The following DGKD variants were observed in gnomAD, a reference collection of about 807,000 sequenced individuals.
The protein encoded by DGKD is DAG kinase delta.
A neutral mutation model predicts 154.4 loss-of-function variants in DGKD; 68 were observed. The observed-to-expected ratio is 0.44, with a 90% CI of 0.36 to 0.54. The LOEUF is 0.54. Among genes scored for constraint, DGKD ranks in the 20% least tolerant of loss-of-function variants. DGKD has a pLI of 0.00. For synonymous variants in DGKD, 693 were observed against 638.0 expected (o/e 1.09, Z -1.30); for missense variants, 1,343 against 1,593.6 (o/e 0.84, Z 2.68).
At chr2:233,450,653 C>T (rs1352149776) in intron 16 of DGKD, among the ~76,000 whole-genome samples, 1 of 152,194 alleles carries the variant, frequency 6.6e-6, no homozygotes, top group Non-Finnish European at 1.5e-5. Context: ...TGTGCTCCGC[C>T]TCCCACAGCC....
Position 233,460,441 on chromosome 2 carries a change from T to G in DGKD, c.2981+96T>G, listed in dbSNP as rs566276838. Reference sequence around the variant, plus strand: ...CCCTGGGGCGTGGAGCTGCTGCTCCTGACTTTTGTGGGGTCTGCATTACCC... The same window carrying G: ...CCCTGGGGCGTGGAGCTGCTGCTCCGGACTTTTGTGGGGTCTGCATTACCC... On this transcript the variant is annotated intron_variant, in intron 24 of 29. Coordinates refer to ENST00000264057, the MANE Select transcript of DGKD (RefSeq NM_152879.3). 4.7e-6 allele frequency: 7 copies of G among 1,476,100 alleles called. No individual in the cohort carries two copies. The African/African-American group carries it at 9.8e-5, about 21-fold the overall frequency. 91.4% of individuals were successfully genotyped at this position (1,476,100 alleles called of 1,614,324 possible).
rs1480674702 is a variant in DGKD at position 233,440,292 on chromosome 2, A to C, written c.1086-1595A>C. Among the ~76,000 whole-genome samples the C allele has an allele frequency of 6.6e-6, 1 of 152,084 alleles. No individual in the cohort carries two copies. The highest frequency in any genetic ancestry group is 1.5e-5 in the Non-Finnish European group (1 of 68,012). On this transcript the variant is annotated intron_variant, in intron 9 of 29. Transcript: ENST00000264057. The surrounding 1 kb of genome is among the most constrained non-coding windows in gnomAD (Gnocchi z 4.9). ...GAGAGCAGGGGGCCTTACAGGTGTC[A>C]GTGTTCTGTGTGGAGCCTGGGCTTG... is the stretch of plus-strand genomic sequence containing the variant.
At chr2:233,378,411 C>CA (rs373116594) in intron 1 of DGKD, among the ~76,000 whole-genome samples, 29,183 of 118,384 alleles carry the variant, frequency 0.25, 3,531 homozygotes, top group African/African-American at 0.37. Flanking sequence ...GACTCCATCT[C>CA]AAAAAAAAAA....
Position 233,468,525 on chromosome 2 carries a change from T to C in DGKD, c.3527T>C (p.Leu1176Pro). 6.2e-7 allele frequency: 1 copy of C among 1,613,728 alleles called. No homozygotes were observed. The highest frequency in any genetic ancestry group is 8.5e-7 in the Non-Finnish European group (1 of 1,179,968). The change falls in exon 29 of 30, where the codon CTC becomes CCC. Residue 1176 changes from leucine (L) to proline (P), a missense_variant. Transcript: ENST00000264057. ...FTRHDIRGSELLHLERRDLKD... is the reference protein window; with the variant it reads ...FTRHDIRGSEPLHLERRDLKD... ...CGGCACGACATCCGGGGCTCTGAGC[T>C]CCTGCACCTGGAGCGGAGGGACCTC...
In DGKD at chr2:233,459,824, G is replaced by A. The variant is rs1407511140; in HGVS notation, c.2762G>A (p.Trp921Ter). Residue 921 changes from tryptophan (W) to a stop codon, truncating the protein, a stop_gained, in exon 23 of 30, where the codon TGG (tryptophan) becomes TAG (stop). Transcript: ENST00000264057. LOFTEE classifies it high-confidence loss of function. This position sits in a 1 kb window ranked among gnomAD's most constrained non-coding sequence, Gnocchi z 5.7. Reference protein sequence around the residue: ...GVPVQVDGEAWVQPPGYIRIV... With the variant: ...GVPVQVDGEA Reference sequence around the variant, plus strand: ...CCTGTGCAGGTGGACGGAGAGGCCTGGGTCCAGCCGCCAGGGTACATTCGG... The same window carrying A: ...CCTGTGCAGGTGGACGGAGAGGCCTAGGTCCAGCCGCCAGGGTACATTCGG... The A allele has an allele frequency of 6.2e-7, 1 of 1,614,136 alleles. No homozygotes were observed. Among genetic ancestry groups the A allele is most frequent in the Admixed American group, 1.7e-5 (1 of 60,020 alleles).
intron 3 of DGKD, among the ~76,000 whole-genome samples, chr2:233,411,270 G>A (rs1181699009): frequency 6.6e-6 from 1 of 152,190 alleles, no homozygotes; most frequent in African/African-American, 2.4e-5. Context: ...CTGCTAAACT[G>A]TTTTCTGAAG....
intron 19 of DGKD, 114 bp from the exon 20 acceptor site, chr2:233,456,785 C>A: frequency 1.3e-6 from 1 of 762,166 alleles, no homozygotes; most frequent in Non-Finnish European, 2.2e-6. Flanking sequence ...TAAATAATTG[C>A]TAAATGTAGC....
rs180670605 is a variant in DGKD, at chr2:233,432,409, C to T, written c.349-1971C>T. ...GCGTGGTTGCTCACGCCTGTAATCC[C>T]AGCACTTTGGAAGGCCAAGGTGGGC... On this transcript the variant is annotated intron_variant, in intron 3 of 29. Coordinates refer to ENST00000264057, the MANE Select transcript of DGKD (RefSeq NM_152879.3). 1.9e-4 allele frequency among the ~76,000 whole-genome samples: 27 copies of T among 141,756 alleles called. No individual in the cohort carries two copies. The East Asian group carries it at 5.0e-3, about 26-fold the overall frequency. 93.0% of individuals were successfully genotyped at this position (141,756 alleles called of 152,430 possible).
At chr2:233,451,931 C>T (rs760192762) in intron 17 of DGKD, 33 bp from the exon 18 acceptor site, 1 of 1,598,818 alleles carries the variant, frequency 6.3e-7, no homozygotes. Context: ...AGCTCCTGAC[C>T]AGCACCACCT....
chr2:233,363,580 A>T (rs377655787), intron 1 of DGKD, among the ~76,000 whole-genome samples: 14 of 152,236 alleles, frequency 9.2e-5, no homozygotes, highest in African/African-American at 3.4e-4. Flanking sequence ...CAAAGCATAG[A>T]GTACTGGTCA....
intron 3 of DGKD, among the ~76,000 whole-genome samples, chr2:233,394,828 C>T (rs1204997406): frequency 6.6e-6 from 1 of 151,072 alleles, no homozygotes; most frequent in African/African-American, 2.4e-5. Flanking sequence ...CTGCCTCACC[C>T]TCCCCAGTAG....
chr2:233,451,570 CT>C (rs201064758), intron 17 of DGKD, among the ~76,000 whole-genome samples: 2,458 of 141,230 alleles, frequency 0.017, 26 homozygotes, highest in African/African-American at 0.03. Context: ...CTCTATAAGC[CT>C]TTTTTTTTTT....
chr2:233,422,486 C>A (rs973774523), intron 3 of DGKD, among the ~76,000 whole-genome samples: 1 of 152,164 alleles, frequency 6.6e-6, no homozygotes, highest in Non-Finnish European at 1.5e-5. Flanking sequence ...TTTCTACCCA[C>A]CCCTCCTGAC....
At chr2:233,448,502 G>A (rs927157432) in intron 14 of DGKD, 127 bp downstream of exon 14, 8 of 778,828 alleles carry the variant, frequency 1.0e-5, no homozygotes, top group East Asian at 7.9e-5. Context: ...TAGACAAAAC[G>A]CACAGTAAAG....
chr2:233,374,937 G>A (rs1702492966), intron 1 of DGKD, among the ~76,000 whole-genome samples: 1 of 152,160 alleles, frequency 6.6e-6, no homozygotes, highest in Non-Finnish European at 1.5e-5. Context: ...CCAAAGTGCT[G>A]AGATTACAGG....
rs777973977 is a variant in DGKD at position 233,438,240 on chromosome 2, CCTT to C, written c.950_952del (p.Ser317del). 3.7e-6 allele frequency: 6 copies of C among 1,614,014 alleles called. No individual in the cohort carries two copies. Among genetic ancestry groups the C allele is most frequent in the East Asian group, 2.2e-5 (1 of 44,898 alleles). On this transcript the variant is annotated inframe_deletion, in exon 9 of 30. Coordinates refer to ENST00000264057, the MANE Select transcript of DGKD (RefSeq NM_152879.3). This position sits in a 1 kb window ranked among gnomAD's most constrained non-coding sequence, Gnocchi z 4.1. Reference sequence around the variant, plus strand: ...AGGGTTCTGGAAGGCCAGCTGTCCTCCTTCTTGCACAAGCCCACTGTTGGTCTT... The same window carrying C: ...AGGGTTCTGGAAGGCCAGCTGTCCTCCTTGCACAAGCCCACTGTTGGTCTT...
intron 14 of DGKD, 62 bp downstream of exon 14, chr2:233,448,437 A>T: frequency 6.7e-7 from 1 of 1,487,002 alleles, no homozygotes. Context: ...CTCTGTCACC[A>T]GCAGAGGGCC....
intron 1 of DGKD, among the ~76,000 whole-genome samples, chr2:233,355,180 A>T (rs1365058213): frequency 6.6e-6 from 1 of 152,114 alleles, no homozygotes; most frequent in East Asian, 1.9e-4. Flanking sequence ...CCCGGGTGCG[A>T]GGGATCACCC....
intron 1 of DGKD, among the ~76,000 whole-genome samples, chr2:233,387,911 A>G (rs1274688489): frequency 2.6e-5 from 4 of 152,244 alleles, no homozygotes; most frequent in South Asian, 2.1e-4. Context: ...TGGAGAATGC[A>G]CTGGCCCCGC....
Sources: gnomAD v4.1 joint callset for allele counts (sites outside exome capture counted in the v4.1 genomes callset) on GRCh38, gnomAD v4.1.1 for gene constraint, Gnocchi (gnomAD v3.1) non-coding constraint, MANE v1.5 for transcripts, NCBI Gene and HGNC (gene_info 2026-07-23, HGNC 2026-07-21) for gene names.